EGFR: variants seen among roughly 807,000 people sequenced by gnomAD.
The protein encoded by EGFR is epidermal growth factor receptor.
EGFR carries 58 observed loss-of-function variants against 143.0 expected under a neutral mutation model. The observed-to-expected ratio is 0.41, with a 90% CI of 0.33 to 0.50. EGFR has a LOEUF of 0.50. Among genes scored for constraint, EGFR ranks in the 20% least tolerant of loss-of-function variants. The pLI, the probability that EGFR is intolerant of heterozygous loss-of-function variation, is 0.39. For synonymous variants in EGFR, 613 were observed against 594.4 expected (o/e 1.03, Z -0.45); for missense variants, 1,307 against 1,579.0 (o/e 0.83, Z 2.92).
At chr7:55,154,406 G>A (rs1019618388) in intron 7 of EGFR, among the ~76,000 whole-genome samples, 2 of 152,200 alleles carry the variant, frequency 1.3e-5, no homozygotes, top group Admixed American at 1.3e-4. Context: ...GGGTGGCCAG[G>A]CCACCTCACA....
In EGFR at chr7:55,166,860, CACAATGGTGGT is replaced by C. The variant is rs1786041499; in HGVS notation, c.1880+1425_1880+1435del. ...GTGTTGGTGGTGAGGAGGTGGGAGT[CACAATGGTGGT>C]AGTGATGATGGTGTTGATGGTGGTG... On this transcript the variant is annotated intron_variant, in intron 15 of 27. Transcript: ENST00000275493. Among the ~76,000 whole-genome samples, 2 of 65,536 alleles carry C rather than the reference CACAATGGTGGT, an allele frequency of 3.1e-5. 1 individual carries two copies. Among genetic ancestry groups the C allele is most frequent in the East Asian group, 5.2e-3 (2 of 388 alleles). 43.0% of individuals were successfully genotyped at this position (65,536 alleles called of 152,430 possible).
At chr7:55,191,998 G>C (rs575749497) in intron 21 of EGFR, 124 bp downstream of exon 21, 1 of 1,432,066 alleles carries the variant, frequency 7.0e-7, no homozygotes, top group Non-Finnish European at 9.6e-7. Flanking sequence ...GGGTGAGCTC[G>C]CAGCAGCTGC....
chr7:55,139,065 CT>C (rs1794314425), intron 1 of EGFR, among the ~76,000 whole-genome samples: 3 of 152,190 alleles, frequency 2.0e-5, no homozygotes, highest in Non-Finnish European at 4.4e-5. Context: ...ATTATAATAC[CT>C]CTTAAAGTTT....
At chr7:55,048,407 C>T (rs1393022194) in intron 1 of EGFR, among the ~76,000 whole-genome samples, 1 of 152,198 alleles carries the variant, frequency 6.6e-6, no homozygotes. Context: ...GCCCCATGGC[C>T]TCTGGGTGAC....
chr7:55,072,293 A>C (rs1789877495), intron 1 of EGFR, among the ~76,000 whole-genome samples: 1 of 152,164 alleles, frequency 6.6e-6, no homozygotes, highest in Non-Finnish European at 1.5e-5. Flanking sequence ...CTCAAGGTGG[A>C]TTTTAGAGCT....
At chr7:55,111,855 A>G (rs1792511832) in intron 1 of EGFR, among the ~76,000 whole-genome samples, 1 of 152,214 alleles carries the variant, frequency 6.6e-6, no homozygotes, top group African/African-American at 2.4e-5. Context: ...AGGAGGTGAA[A>G]CATATTCCTT....
At chr7:55,126,949 G>A (rs190580864) in intron 1 of EGFR, among the ~76,000 whole-genome samples, 21 of 152,224 alleles carry the variant, frequency 1.4e-4, no homozygotes, top group Admixed American at 1.1e-3. Flanking sequence ...AAACACCCCC[G>A]CTTAACCTCA....
intron 13 of EGFR, among the ~76,000 whole-genome samples, chr7:55,162,267 G>A (rs368067901): frequency 1.3e-5 from 2 of 152,366 alleles, no homozygotes; most frequent in East Asian, 3.9e-4. Context: ...AAAACTGAAG[G>A]ATAGAGGCCA....
At chr7:55,090,051 C>G (rs1388740284) in intron 1 of EGFR, among the ~76,000 whole-genome samples, 1 of 152,088 alleles carries the variant, frequency 6.6e-6, no homozygotes, top group Non-Finnish European at 1.5e-5. Context: ...TCACTGCAAG[C>G]TCTGCCTCCC....
chr7:55,154,788 G>A (rs146073780), intron 7 of EGFR, among the ~76,000 whole-genome samples: 48 of 152,114 alleles, frequency 3.2e-4, no homozygotes, highest in African/African-American at 1.1e-3. Flanking sequence ...TCTAATGAAA[G>A]AGTTTTAGAA....
intron 1 of EGFR, among the ~76,000 whole-genome samples, chr7:55,139,580 A>G (rs555400182): frequency 6.6e-6 from 1 of 152,202 alleles, no homozygotes; most frequent in African/African-American, 2.4e-5. Flanking sequence ...TACTTTAGTA[A>G]TTAACCCAGG....
chr7:55,181,378 C>A lies in EGFR; in HGVS notation c.2369C>A (p.Thr790Lys). 1 of 1,614,218 alleles carries A rather than the reference C, an allele frequency of 6.2e-7. No homozygotes were observed. The highest frequency in any genetic ancestry group is 8.5e-7 in the Non-Finnish European group (1 of 1,180,032). The change falls in exon 20 of 28, where the codon ACG becomes AAG. Residue 790 changes from threonine to lysine, a missense_variant. This residue lies in a region of EGFR where 348 missense variants were observed against 451.5 expected (regional missense o/e 0.77). Coordinates refer to ENST00000275493, the MANE Select transcript of EGFR (RefSeq NM_005228.5). ...CTCACCTCCACCGTGCAGCTCATCA[C>A]GCAGCTCATGCCCTTCGGCTGCCTC... is the stretch of plus-strand genomic sequence containing the variant. ...ICLTSTVQLI[T>K]QLMPFGCLLD... is the part of the protein sequence containing the mutation.
intron 1 of EGFR, among the ~76,000 whole-genome samples, chr7:55,120,995 G>T (rs1260783246): frequency 6.6e-6 from 1 of 152,162 alleles, no homozygotes; most frequent in Non-Finnish European, 1.5e-5. Context: ...CTGGTTTACA[G>T]GGCCAAGGGG....
At chr7:55,171,127 A>C in intron 15 of EGFR, 48 bp from the exon 16 acceptor site, 1 of 1,613,090 alleles carries the variant, frequency 6.2e-7, no homozygotes. Context: ...AATATATGCC[A>C]AAGAAGTAGA....
At chr7:55,067,711 G>T (rs902065529) in intron 1 of EGFR, among the ~76,000 whole-genome samples, 1 of 151,334 alleles carries the variant, frequency 6.6e-6, no homozygotes, top group African/African-American at 2.5e-5. Flanking sequence ...TATATTCAAG[G>T]TGTAGAACAT....
chr7:55,189,116 G>A (rs73696596), intron 20 of EGFR, among the ~76,000 whole-genome samples: 4 of 110,072 alleles, frequency 3.6e-5, no homozygotes, highest in Non-Finnish European at 5.9e-5. Flanking sequence ...GTGTGTGTGT[G>A]TGTATATATA....
chr7:55,160,094 T>G (rs781776772), intron 11 of EGFR, 45 bp from the exon 12 acceptor site: 2 of 1,607,824 alleles, frequency 1.2e-6, no homozygotes, highest in African/African-American at 2.7e-5. Flanking sequence ...GGATACATTG[T>G]TTTTATAATT....
At chr7:55,035,586 G>A (rs986773053) in intron 1 of EGFR, among the ~76,000 whole-genome samples, 3 of 151,116 alleles carry the variant, frequency 2.0e-5, no homozygotes, top group African/African-American at 7.3e-5. Flanking sequence ...TAGGGAGACT[G>A]AGACATAAGA....
At chr7:55,048,370 G>A (rs187729043) in intron 1 of EGFR, among the ~76,000 whole-genome samples, 50 of 152,296 alleles carry the variant, frequency 3.3e-4, no homozygotes, top group Admixed American at 1.2e-3. Context: ...TGAGGTTGGC[G>A]AAGTTTAGGT....
Sources: allele counts gnomAD v4.1 joint callset (sites outside exome capture counted in the v4.1 genomes callset), GRCh38; gene constraint gnomAD v4.1.1; regional missense constraint gnomAD v4.1.1; transcripts MANE v1.5; gene names NCBI Gene and HGNC (gene_info 2026-07-23, HGNC 2026-07-21).